The following DGKB variants were observed in gnomAD, a reference collection of about 807,000 sequenced individuals.
DGKB encodes the protein diacylglycerol kinase beta.
Under a neutral mutation model 114.3 loss-of-function variants are expected in DGKB, and 67 were observed. The ratio of observed to expected loss-of-function variants is 0.59; its 90% CI spans 0.48 to 0.72. The LOEUF (loss-of-function observed/expected upper bound fraction) is 0.72. Ranked by LOEUF, DGKB falls within the 30% of genes least tolerant of loss-of-function variation. The pLI, the probability that DGKB is intolerant of heterozygous loss-of-function variation, is 0.00. For missense variants in DGKB, 907 were observed against 975.2 expected (o/e 0.93, Z 0.93); for synonymous variants, 398 against 323.1 (o/e 1.23, Z -2.49).
At chr7:14,357,996 C>T (rs1814917289) in intron 21 of DGKB, among the ~76,000 whole-genome samples, 1 of 152,058 alleles carries the variant, frequency 6.6e-6, no homozygotes, top group African/African-American at 2.4e-5. Flanking sequence ...TGTGGGTAAC[C>T]CGACCTTTCT....
At chr7:14,216,074 G>T (rs1012994991) in intron 23 of DGKB, among the ~76,000 whole-genome samples, 1 of 151,986 alleles carries the variant, frequency 6.6e-6, no homozygotes, top group African/African-American at 2.4e-5. Context: ...TGGAGTTTAT[G>T]GCCTAATGAG....
intron 2 of DGKB, among the ~76,000 whole-genome samples, chr7:14,835,210 G>T (rs1274684506): frequency 6.6e-6 from 1 of 152,136 alleles, no homozygotes; most frequent in Non-Finnish European, 1.5e-5. Context: ...GTAAAGTCAA[G>T]ACATTTCTGG....
chr7:14,517,779 G>A (rs2128557093), intron 20 of DGKB, among the ~76,000 whole-genome samples: 1 of 152,186 alleles, frequency 6.6e-6, no homozygotes, highest in South Asian at 2.1e-4. Flanking sequence ...ATACCAGTCA[G>A]AATGGCTATC....
chr7:14,330,339 A>T (rs980823504), intron 23 of DGKB, among the ~76,000 whole-genome samples: 6 of 152,008 alleles, frequency 3.9e-5, no homozygotes, highest in African/African-American at 1.4e-4. Context: ...TAGGTGATAG[A>T]GAGTTGCTCA....
At chr7:14,339,180 A>G (rs1811189479) in intron 22 of DGKB, among the ~76,000 whole-genome samples, 1 of 151,468 alleles carries the variant, frequency 6.6e-6, no homozygotes, top group Non-Finnish European at 1.5e-5. Flanking sequence ...TTTGGGGCAG[A>G]GAAAGAAGTA....
intron 9 of DGKB, among the ~76,000 whole-genome samples, chr7:14,688,818 T>C (rs1400085719): frequency 1.3e-5 from 1 of 77,622 alleles, no homozygotes; most frequent in Admixed American, 1.4e-4. Flanking sequence ...AGTTTTTCCA[T>C]AAATAAAAAT....
chr7:14,971,058 G>C (rs143216116), intron 1 of DGKB, among the ~76,000 whole-genome samples: 36 of 152,220 alleles, frequency 2.4e-4, no homozygotes, highest in African/African-American at 7.7e-4. Flanking sequence ...GTAAACTTTT[G>C]TGTCACAATG....
chr7:14,698,270 G>C (rs1343294570), intron 7 of DGKB, 101 bp from the exon 8 acceptor site: 2 of 662,262 alleles, frequency 3.0e-6, no homozygotes, highest in African/African-American at 3.9e-5. Flanking sequence ...AGCTAAAAAA[G>C]TTAAATGAGT....
At chr7:14,730,629 C>G (rs920705185) in intron 5 of DGKB, among the ~76,000 whole-genome samples, 37 of 152,098 alleles carry the variant, frequency 2.4e-4, no homozygotes, top group Non-Finnish European at 4.1e-4. Context: ...ATGCTATAGC[C>G]TACGTGACAT....
At chr7:14,734,358 A>G (rs1831394211) in intron 5 of DGKB, among the ~76,000 whole-genome samples, 1 of 152,048 alleles carries the variant, frequency 6.6e-6, no homozygotes, top group Admixed American at 6.6e-5. Context: ...ACAATTCTAT[A>G]TTCTACTTTG....
chr7:14,451,804 TTTACTTAATCAGTGAGATGCCCCAAACTC>T (rs1339494277), intron 21 of DGKB, among the ~76,000 whole-genome samples: 1 of 152,054 alleles, frequency 6.6e-6, no homozygotes, highest in Non-Finnish European at 1.5e-5. Context: ...AGATCAGCTA[TTTACTTAATCAGTGAGATGCCCCAAACTC>T]TTACTTCACC....
At chr7:14,392,995 G>GTTTTTTTTTTTGTTTT (rs1821608535) in intron 21 of DGKB, among the ~76,000 whole-genome samples, 2 of 60,546 alleles carry the variant, frequency 3.3e-5, no homozygotes, top group Non-Finnish European at 6.9e-5. Context: ...TTTTGTTTTT[G>GTTTTTTTTTTTGTTTT]TTTTTTTTTT....
At chr7:14,657,836 G>C (rs2128915941) in intron 13 of DGKB, among the ~76,000 whole-genome samples, 1 of 151,980 alleles carries the variant, frequency 6.6e-6, no homozygotes, top group South Asian at 2.1e-4. Context: ...CTGATGTGTA[G>C]CATTGGGATT....
At chr7:14,551,550 G>A (rs1795108336) in intron 20 of DGKB, among the ~76,000 whole-genome samples, 1 of 152,086 alleles carries the variant, frequency 6.6e-6, no homozygotes, top group Non-Finnish European at 1.5e-5. Context: ...AATACTCTAT[G>A]TAGGGAAAAC....
At chr7:14,293,324 A>G (rs1802052891) in intron 23 of DGKB, among the ~76,000 whole-genome samples, 2 of 152,274 alleles carry the variant, frequency 1.3e-5, no homozygotes, top group Non-Finnish European at 2.9e-5. Context: ...CCCAGCTTCT[A>G]TTTGTACCTG....
At chr7:14,188,584 C>A (rs1207488278) in intron 23 of DGKB, among the ~76,000 whole-genome samples, 4 of 116,290 alleles carry the variant, frequency 3.4e-5, no homozygotes, top group Non-Finnish European at 7.3e-5. Flanking sequence ...GGCGTGAACC[C>A]GGGAGGCGGA....
Position 14,929,813 on chromosome 7 carries a change from A to C in DGKB, c.-188+44883T>G, listed in dbSNP as rs185609593. Among the ~76,000 whole-genome samples, 17 of 152,124 alleles carry C rather than the reference A, an allele frequency of 1.1e-4. No individual in the cohort carries two copies. The East Asian group carries it at 1.7e-3, about 16-fold the overall frequency. On this transcript the variant is annotated intron_variant, in intron 1 of 4. Transcript: ENST00000437998. ...TCTTTGCCTAGACTAATGTCCAGAA[A>C]AATTTTCCCTAAGTTTTCTTCTAGT... is the stretch of plus-strand genomic sequence containing the variant.
At chr7:14,471,703 A>G (rs989484288) in intron 21 of DGKB, among the ~76,000 whole-genome samples, 2 of 152,030 alleles carry the variant, frequency 1.3e-5, no homozygotes, top group Non-Finnish European at 2.9e-5. Context: ...ATGAAGACTC[A>G]CTCTACATAT....
chr7:14,176,578 A>G, intron 25 of DGKB: 9 of 1,150,110 alleles, frequency 7.8e-6, no homozygotes, highest in Non-Finnish European at 9.7e-6. Flanking sequence ...TAATTGATCT[A>G]TGGTTTATAA....
Sources: allele counts gnomAD v4.1 joint callset (sites outside exome capture counted in the v4.1 genomes callset), GRCh38; gene constraint gnomAD v4.1.1; transcripts MANE v1.5; gene names NCBI Gene and HGNC (gene_info 2026-07-23, HGNC 2026-07-21).